SFMBT1: variants seen among roughly 807,000 people sequenced by gnomAD.
SFMBT1 encodes the protein scm-like with four MBT domains protein 1.
Under a neutral mutation model 108.7 loss-of-function variants are expected in SFMBT1, and 32 were observed. The observed-to-expected ratio is 0.29, with a 90% CI of 0.22 to 0.40. The LOEUF is 0.40. Ranked by LOEUF, SFMBT1 falls within the 10% of genes least tolerant of loss-of-function variation. The pLI is 1.00. For synonymous variants in SFMBT1, 348 were observed against 369.5 expected (o/e 0.94, Z 0.67); for missense variants, 816 against 1,059.6 (o/e 0.77, Z 3.19).
intron 1 of SFMBT1, among the ~76,000 whole-genome samples, chr3:53,018,785 A>G (rs956002909): frequency 1.3e-5 from 2 of 152,208 alleles, no homozygotes; most frequent in Non-Finnish European, 2.9e-5. Context: ...TCTACACAGT[A>G]AACTGCCACT....
chr3:53,009,372 C>T (rs772295769), intron 1 of SFMBT1, among the ~76,000 whole-genome samples: 5 of 151,926 alleles, frequency 3.3e-5, no homozygotes, highest in African/African-American at 7.3e-5. Flanking sequence ...TGCTTGAACC[C>T]GGGAGGCAGA....
chr3:53,045,643 C>A (rs1700212285), intron 1 of SFMBT1, among the ~76,000 whole-genome samples, 173 bp downstream of exon 1: 1 of 138,478 alleles, frequency 7.2e-6, no homozygotes, highest in Non-Finnish European at 1.6e-5. Context: ...CGTGCCGCCG[C>A]CGCCGCCCGT....
intron 1 of SFMBT1, among the ~76,000 whole-genome samples, chr3:53,013,596 C>G (rs1575438927): frequency 7.2e-6 from 1 of 138,116 alleles, no homozygotes; most frequent in Admixed American, 7.3e-5. Flanking sequence ...AGAAGGAACA[C>G]AGTTTATTTA....
At chr3:53,032,312 G>A (rs1022748193) in intron 1 of SFMBT1, among the ~76,000 whole-genome samples, 11 of 152,222 alleles carry the variant, frequency 7.2e-5, no homozygotes, top group Non-Finnish European at 1.6e-4. Context: ...GGAGGCTGCA[G>A]TGAGCCGGGA....
At chr3:52,954,085 A>T (rs903608252) in intron 3 of SFMBT1, among the ~76,000 whole-genome samples, 4 of 152,138 alleles carry the variant, frequency 2.6e-5, no homozygotes, top group African/African-American at 2.4e-5. Context: ...AGATCGTGCC[A>T]CTGCACTCCA....
chr3:52,912,701 T>C, intron 15 of SFMBT1, 54 bp from the exon 16 acceptor site: 1 of 1,308,672 alleles, frequency 7.6e-7, no homozygotes, highest in Non-Finnish European at 1.1e-6. Flanking sequence ...AAGCAGACCA[T>C]TAGAATCTTG....
At chr3:52,905,318 G>A (rs1213916713) in intron 20 of SFMBT1, 42 bp from the exon 21 acceptor site, 1 of 1,590,716 alleles carries the variant, frequency 6.3e-7, no homozygotes, top group Non-Finnish European at 8.6e-7. Flanking sequence ...ATGTGCACAT[G>A]AAAGGCAGCT....
intron 5 of SFMBT1, among the ~76,000 whole-genome samples, chr3:52,933,432 G>C (rs1702917261): frequency 6.6e-6 from 1 of 152,144 alleles, no homozygotes; most frequent in South Asian, 2.1e-4. Flanking sequence ...TCATTATCAA[G>C]TTATCACTTA....
chr3:52,910,096 C>T (rs928098312), intron 17 of SFMBT1, among the ~76,000 whole-genome samples: 4 of 152,084 alleles, frequency 2.6e-5, no homozygotes, highest in Admixed American at 1.3e-4. Flanking sequence ...CTTGCATAAA[C>T]AGCACCCCAC....
At chr3:53,005,676 C>G (rs1176253323) in intron 1 of SFMBT1, among the ~76,000 whole-genome samples, 1 of 152,166 alleles carries the variant, frequency 6.6e-6, no homozygotes, top group Non-Finnish European at 1.5e-5. Flanking sequence ...AAAGCAAAAA[C>G]ATAGAGATGA....
intron 19 of SFMBT1, among the ~76,000 whole-genome samples, 189 bp from the exon 20 acceptor site, chr3:52,906,430 C>T (rs1241423887): frequency 6.6e-6 from 1 of 152,106 alleles, no homozygotes; most frequent in East Asian, 1.9e-4. Context: ...TTTTATAATA[C>T]GAAGTATCAA....
In SFMBT1 at chr3:52,993,688, A is replaced by G. The variant is rs186491736; in HGVS notation, c.-130-24430T>C. 2.1e-3 allele frequency among the ~76,000 whole-genome samples: 317 copies of G among 150,244 alleles called. 20 individuals are homozygous for G. The highest frequency in any genetic ancestry group is 3.8e-3 in the Non-Finnish European group (255 of 66,982). On this transcript the variant is annotated intron_variant, in intron 1 of 20. Transcript: ENST00000394752. Reference sequence around the variant, plus strand: ...TGCACTGACAGCCAAAAAAAAGGGGAAAAAAATCCCATACAAAAATTGTGA... The same window carrying G: ...TGCACTGACAGCCAAAAAAAAGGGGGAAAAAATCCCATACAAAAATTGTGA...
At chr3:52,945,746 G>A (rs1448578191) in intron 3 of SFMBT1, among the ~76,000 whole-genome samples, 3 of 151,338 alleles carry the variant, frequency 2.0e-5, no homozygotes, top group Non-Finnish European at 4.4e-5. Context: ...GGCGGAGCTT[G>A]CAGTGAGCCG....
intron 2 of SFMBT1, among the ~76,000 whole-genome samples, chr3:52,965,844 A>G (rs1175056178): frequency 2.0e-5 from 3 of 150,302 alleles, no homozygotes; most frequent in Admixed American, 6.7e-5. Context: ...GTCTCTACCA[A>G]AAATACAAAA....
intron 4 of SFMBT1, among the ~76,000 whole-genome samples, chr3:52,939,520 G>A (rs1262386760): frequency 4.6e-5 from 7 of 152,122 alleles, no homozygotes; most frequent in Non-Finnish European, 8.8e-5. Context: ...GTTGTAGTGG[G>A]CCGAGATCGT....
intron 3 of SFMBT1, among the ~76,000 whole-genome samples, chr3:52,944,932 TAG>T (rs894383634): frequency 1.6e-4 from 24 of 151,696 alleles, no homozygotes; most frequent in Non-Finnish European, 3.5e-4. Context: ...GCCTCCTGAG[TAG>T]CTGAGACCCC....
chr3:53,001,260 T>A (rs958029342), intron 1 of SFMBT1, among the ~76,000 whole-genome samples: 4 of 150,184 alleles, frequency 2.7e-5, no homozygotes, highest in African/African-American at 9.7e-5. Context: ...ACCCTGTCTC[T>A]TAAAAAAAGA....
chr3:52,969,513 C>A (rs1704268468), intron 1 of SFMBT1, among the ~76,000 whole-genome samples: 4 of 152,174 alleles, frequency 2.6e-5, no homozygotes, highest in Non-Finnish European at 5.9e-5. Context: ...AAACTCACAA[C>A]AAAGTAAGAT....
chr3:53,041,177 C>T (rs1700040301), intron 1 of SFMBT1, among the ~76,000 whole-genome samples: 1 of 151,460 alleles, frequency 6.6e-6, no homozygotes, highest in Non-Finnish European at 1.5e-5. Flanking sequence ...CAAAAGAGAA[C>T]TAAATAAGGT....
Sources: gnomAD v4.1 joint callset for allele counts (sites outside exome capture counted in the v4.1 genomes callset) on GRCh38, gnomAD v4.1.1 for gene constraint, MANE v1.5 for transcripts, NCBI Gene and HGNC (gene_info 2026-07-23, HGNC 2026-07-21) for gene names.